ARK2C: variants seen among roughly 807,000 people sequenced by gnomAD.
The protein encoded by ARK2C is E3 ubiquitin-protein ligase ARK2C.
At chr18:46,435,088 C>T in the ARK2C span, among the ~76,000 whole-genome samples, 2 of 152,168 alleles carry the variant, frequency 1.3e-5, no homozygotes, top group African/African-American at 4.8e-5. Flanking sequence ...AGTTCCTGAG[C>T]TGCAGATGAA....
At chr18:46,382,354 T>G in the ARK2C span, among the ~76,000 whole-genome samples, 1 of 152,216 alleles carries the variant, frequency 6.6e-6, no homozygotes, top group Non-Finnish European at 1.5e-5. Flanking sequence ...AGCTTCAGAT[T>G]TACTACATAG....
the ARK2C span, among the ~76,000 whole-genome samples, chr18:46,427,461 C>A: frequency 6.6e-6 from 1 of 152,224 alleles, no homozygotes; most frequent in Admixed American, 6.5e-5. Flanking sequence ...AGGCAGGCAG[C>A]TGCACGTTCA....
chr18:46,387,319 C>T, the ARK2C span, among the ~76,000 whole-genome samples: 2 of 152,202 alleles, frequency 1.3e-5, no homozygotes, highest in African/African-American at 4.8e-5. Context: ...TTGAAACAAG[C>T]CCCCATCCTC....
At chr18:46,396,096 C>G in the ARK2C span, among the ~76,000 whole-genome samples, 8 of 152,306 alleles carry the variant, frequency 5.3e-5, no homozygotes, top group African/African-American at 1.7e-4. Flanking sequence ...GACACAGAGA[C>G]CAAGAGAAAT....
chr18:46,392,091 A>G, the ARK2C span, among the ~76,000 whole-genome samples: 1 of 151,804 alleles, frequency 6.6e-6, no homozygotes, highest in South Asian at 2.1e-4. Context: ...CAACATACAC[A>G]CACACCACGC....
At chr18:46,443,104 T>A in the ARK2C span, among the ~76,000 whole-genome samples, 1 of 152,316 alleles carries the variant, frequency 6.6e-6, no homozygotes, top group Admixed American at 6.5e-5. Flanking sequence ...TTAATTGGGG[T>A]GTCTAGACCA....
At chr18:46,438,896 A>T in the ARK2C span, among the ~76,000 whole-genome samples, 1 of 152,244 alleles carries the variant, frequency 6.6e-6, no homozygotes, top group Non-Finnish European at 1.5e-5. Context: ...CATTACCATG[A>T]GGAGCTACTG....
chr18:46,420,211 A>G, the ARK2C span, among the ~76,000 whole-genome samples: 1 of 152,186 alleles, frequency 6.6e-6, no homozygotes, highest in Non-Finnish European at 1.5e-5. Flanking sequence ...TCCTGAGAAA[A>G]GCCATGGTCC....
At chr18:46,350,556 G>C in the ARK2C span, among the ~76,000 whole-genome samples, 1 of 152,174 alleles carries the variant, frequency 6.6e-6, no homozygotes, top group Non-Finnish European at 1.5e-5. Flanking sequence ...CCCTGCAGCA[G>C]TTACAGCAAC....
At chr18:46,406,049 T>C in the ARK2C span, among the ~76,000 whole-genome samples, 1 of 152,026 alleles carries the variant, frequency 6.6e-6, no homozygotes, top group Admixed American at 6.5e-5. Flanking sequence ...CACACCCATG[T>C]ACACACTCCT....
the ARK2C span, chr18:46,334,840 G>A: frequency 1.6e-5 from 3 of 190,564 alleles, no homozygotes; most frequent in Non-Finnish European, 3.2e-5. The surrounding 1 kb of genome is among the most constrained non-coding windows in gnomAD (Gnocchi z 4.4). Context: ...AGTACCGATG[G>A]CTGGCTAGCT....
At chr18:46,387,241 G>T in the ARK2C span, among the ~76,000 whole-genome samples, 3 of 152,160 alleles carry the variant, frequency 2.0e-5, no homozygotes, top group Non-Finnish European at 4.4e-5. Flanking sequence ...ATAAAAAAAG[G>T]CAGATAACCA....
At chr18:46,368,515 C>G in the ARK2C span, among the ~76,000 whole-genome samples, 1,842 of 152,360 alleles carry the variant, frequency 0.012, 20 homozygotes, top group Non-Finnish European at 0.02. Context: ...TTGATCAAAG[C>G]TTGGCCTGGG....
the ARK2C span, among the ~76,000 whole-genome samples, chr18:46,411,935 C>G: frequency 1.2e-4 from 18 of 152,334 alleles, no homozygotes; most frequent in Admixed American, 7.8e-4. Flanking sequence ...GAGCCCAGCT[C>G]CCTGGAGTGG....
the ARK2C span, among the ~76,000 whole-genome samples, chr18:46,342,416 C>G: frequency 6.6e-6 from 1 of 152,220 alleles, no homozygotes; most frequent in Non-Finnish European, 1.5e-5. Context: ...CAGCTAATGG[C>G]CTGCCAAGCT....
chr18:46,357,919 C>A, the ARK2C span, among the ~76,000 whole-genome samples: 1 of 152,202 alleles, frequency 6.6e-6, no homozygotes. Flanking sequence ...GGGTTGCTGG[C>A]AGTCACAGTC....
At chr18:46,394,695 A>T in the ARK2C span, among the ~76,000 whole-genome samples, 1 of 151,944 alleles carries the variant, frequency 6.6e-6, no homozygotes, top group Non-Finnish European at 1.5e-5. Flanking sequence ...GCTCTGATAG[A>T]CTCCTCCAAA....
At chr18:46,363,704 C>T in the ARK2C span, among the ~76,000 whole-genome samples, 3 of 152,150 alleles carry the variant, frequency 2.0e-5, no homozygotes, top group South Asian at 2.1e-4. Context: ...AGATTCTCAC[C>T]GTTATAATGA....
the ARK2C span, chr18:46,334,566 C>T: frequency 2.0e-6 from 1 of 493,354 alleles, no homozygotes; most frequent in Non-Finnish European, 3.5e-6. The surrounding 1 kb of genome is among the most constrained non-coding windows in gnomAD (Gnocchi z 4.4). Context: ...TCCCTTCCTC[C>T]CCAGCCCCAT....
Sources: allele counts gnomAD v4.1 joint callset (sites outside exome capture counted in the v4.1 genomes callset), GRCh38; gene constraint gnomAD v4.1.1; non-coding constraint Gnocchi (gnomAD v3.1); transcripts MANE v1.5; gene names NCBI Gene and HGNC (gene_info 2026-07-23, HGNC 2026-07-21).